The following DEK variants were observed in gnomAD, a reference collection of about 807,000 sequenced individuals.
DEK encodes the protein protein DEK.
DEK carries 28 observed loss-of-function variants against 46.8 expected under a neutral mutation model. The observed-to-expected ratio is 0.60, with a 90% CI of 0.44 to 0.82. The LOEUF is 0.82. Among genes scored for constraint, DEK ranks in the 40% least tolerant of loss-of-function variants. The probability of loss-of-function intolerance (pLI) is 0.00; values close to 1 mark genes in which losing one functional copy is unlikely to be tolerated. For missense variants in DEK, 416 were observed against 430.6 expected, an observed-to-expected ratio of 0.97 and a Z score of 0.30; for synonymous variants, 160 against 144.5, an observed-to-expected ratio of 1.11 and a Z score of -0.77.
intron 9 of DEK, among the ~76,000 whole-genome samples, chr6:18,232,314 G>A (rs576978354): frequency 6.6e-6 from 1 of 152,314 alleles, no homozygotes; most frequent in East Asian, 1.9e-4. Context: ...AGACAGGGAT[G>A]CCCTCTCTCA....
At chr6:18,262,257 T>A (rs1791909275) in intron 2 of DEK, among the ~76,000 whole-genome samples, 2 of 147,610 alleles carry the variant, frequency 1.4e-5, no homozygotes, top group South Asian at 4.2e-4. Flanking sequence ...ATTTTCTTTA[T>A]AAACTACCCT....
rs1754184686 is a variant in DEK at position 18,232,182 on chromosome 6, T to A, written c.1047+4270A>T. On this transcript the variant is annotated intron_variant, in intron 9 of 10. Transcript: ENST00000652689. ...TTCAACAGCCCTTCATGCTAAAAAC[T>A]CTCAATAAATTAGGTAGTGATGTGA... 2.0e-5 allele frequency among the ~76,000 whole-genome samples: 3 copies of A among 152,110 alleles called. No individual in the cohort carries two copies. In the South Asian group the frequency reaches 6.2e-4, roughly 32 times the overall value.
intron 10 of DEK, 164 bp from the exon 11 acceptor site, chr6:18,225,894 T>TG: frequency 1.2e-6 from 1 of 842,448 alleles, no homozygotes; most frequent in South Asian, 1.9e-5. Flanking sequence ...GACAGGAACT[T>TG]CCTCAAGTAT....
chr6:18,235,358 A>C (rs890600296), intron 9 of DEK, among the ~76,000 whole-genome samples: 1 of 152,176 alleles, frequency 6.6e-6, no homozygotes, highest in African/African-American at 2.4e-5. Context: ...TGTTGAACTA[A>C]TACTATTCCT....
At chr6:18,258,799 A>G (rs550638227) in intron 2 of DEK, among the ~76,000 whole-genome samples, 1 of 152,322 alleles carries the variant, frequency 6.6e-6, no homozygotes, top group African/African-American at 2.4e-5. Flanking sequence ...AGGAATAATC[A>G]AATTTAGACT....
Position 18,236,335 on chromosome 6 carries a change from G to C in DEK, c.1047+117C>G, listed in dbSNP as rs1004935539. The C allele has an allele frequency of 2.1e-5, 24 of 1,125,776 alleles. No homozygotes were observed. The African/African-American group carries it at 3.2e-4, about 15-fold the overall frequency. 69.7% of individuals were successfully genotyped at this position (1,125,776 alleles called of 1,614,324 possible). ...CTGTAAGGAGATCTGGCATATAGTA[G>C]TTCAATAAATCTTTCTTCAATAAGT... On this transcript the variant is annotated intron_variant, in intron 9 of 10. Coordinates refer to ENST00000652689, the MANE Select transcript of DEK (RefSeq NM_003472.4).
At chr6:18,237,231 T>G (rs1402059980) in intron 8 of DEK, 150 bp downstream of exon 8, 4 of 876,308 alleles carry the variant, frequency 4.6e-6, no homozygotes, top group Non-Finnish European at 6.5e-6. Flanking sequence ...GTCCCAAGCA[T>G]TTCAGATAAG....
intron 4 of DEK, among the ~76,000 whole-genome samples, chr6:18,257,746 AG>A (rs1791663599): frequency 6.6e-6 from 1 of 152,068 alleles, no homozygotes; most frequent in Non-Finnish European, 1.5e-5. Context: ...AAAAAGAAAA[AG>A]AAAAAAGAAG....
chr6:18,239,356 TTTTTTA>T (rs1156492222), intron 7 of DEK, among the ~76,000 whole-genome samples: 2 of 145,044 alleles, frequency 1.4e-5, no homozygotes, highest in African/African-American at 5.1e-5. Context: ...TTTTTTTTTT[TTTTTTA>T]AAAAAAAGAG....
chr6:18,244,808 A>C (rs1003607518), intron 7 of DEK, among the ~76,000 whole-genome samples: 2 of 152,212 alleles, frequency 1.3e-5, no homozygotes, highest in Non-Finnish European at 2.9e-5. Context: ...AATGGTTTAT[A>C]CAGATTTTGC....
rs759252837 is a variant in DEK, at chr6:18,263,931, G to A, written c.57C>T (p.Ser19=). ...EGEGTPTQPA[S]EKEPEMPGPR... ...GACCGGGCATTTCGGGTTCTTTCTC[G>A]GACGCGGGCTGGGTGGGGGTTCCCT... The change falls in exon 2 of 11, where the codon TCC becomes TCT. Residue 19 remains serine (S), a synonymous_variant. Coordinates refer to ENST00000652689, the MANE Select transcript of DEK (RefSeq NM_003472.4). 6.2e-7 allele frequency: 1 copy of A among 1,613,262 alleles called. No individual in the cohort carries two copies. Among genetic ancestry groups the A allele is most frequent in the Non-Finnish European group, 8.5e-7 (1 of 1,179,678 alleles).
At position 18,263,911 on chromosome 6, in the gene DEK, G is replaced by C. The variant is rs781519712; in HGVS notation, c.77C>G (p.Pro26Arg). 7 of 1,611,618 alleles carry C rather than the reference G, an allele frequency of 4.3e-6. No individual in the cohort carries two copies. The East Asian group carries it at 1.3e-4, about 31-fold the overall frequency. Reference protein sequence around the residue: ...QPASEKEPEMPGPREESEEEE... With the variant: ...QPASEKEPEMRGPREESEEEE... ...CTCCTCGCTCTCCTCTCTGGGACCG[G>C]GCATTTCGGGTTCTTTCTCGGACGC... Residue 26 changes from proline (P) to arginine (R), a missense_variant, in exon 2 of 11, where the codon CCC (proline) becomes CGC (arginine). Transcript: ENST00000652689.
Position 18,225,714 on chromosome 6 carries a change from CTA to C in DEK, c.*3_*4del. On this transcript the variant is annotated 3_prime_UTR_variant, in exon 11 of 11. Coordinates refer to ENST00000652689, the MANE Select transcript of DEK (RefSeq NM_003472.4). ...GGGAACGAGTCATCTTCTCTGTCCT[CTA>C]TCTCAAGAAATTAGCTGTAATGAAA... 6.2e-7 allele frequency: 1 copy of C among 1,613,272 alleles called. No individual in the cohort carries two copies. Among genetic ancestry groups the C allele is most frequent in the Non-Finnish European group, 8.5e-7 (1 of 1,179,530 alleles).
At chr6:18,231,934 T>C (rs1004638960) in intron 9 of DEK, among the ~76,000 whole-genome samples, 8 of 152,110 alleles carry the variant, frequency 5.3e-5, no homozygotes, top group Admixed American at 4.6e-4. Context: ...CAGACCAATA[T>C]CCCTGATGAA....
chr6:18,248,644 T>C (rs943189287), intron 7 of DEK, among the ~76,000 whole-genome samples: 17 of 152,176 alleles, frequency 1.1e-4, no homozygotes, highest in African/African-American at 3.4e-4. Flanking sequence ...AAAACAAGCA[T>C]GAATTGTAAA....
At position 18,247,708 on chromosome 6, in the gene DEK, G is replaced by A. The variant is rs533582856; in HGVS notation, c.762+1943C>T. Among the ~76,000 whole-genome samples the A allele has an allele frequency of 2.0e-5, 3 of 151,320 alleles. No homozygotes were observed. In the East Asian group the frequency reaches 5.8e-4, roughly 29 times the overall value. ...TTTTTTTTGAGACGGAGTTTCGCTC[G>A]TTGCTCAGGCTGGAGAACAATGGTG... On this transcript the variant is annotated intron_variant, in intron 7 of 10. Transcript: ENST00000652689.
chr6:18,258,389 CACGATGAGA>C lies in DEK; in HGVS notation c.153_161del (p.Ser51_Val54delinsArg). 6.2e-7 allele frequency: 1 copy of C among 1,611,484 alleles called. No homozygotes were observed. The highest frequency in any genetic ancestry group is 8.5e-7 in the Non-Finnish European group (1 of 1,178,528). ...CTTTTTTCTTTTCCCTCTTGCCTTC[CACGATGAGA>C]CTCTTTTCTAGAAATTAATTTAGTA... is the stretch of plus-strand genomic sequence containing the variant. On this transcript the variant is annotated inframe_deletion, in exon 3 of 11. Transcript: ENST00000652689.
At chr6:18,234,571 C>G (rs893600610) in intron 9 of DEK, among the ~76,000 whole-genome samples, 3 of 152,148 alleles carry the variant, frequency 2.0e-5, no homozygotes, top group African/African-American at 7.2e-5. Flanking sequence ...CCACCAATGG[C>G]AGTTTCATCT....
Position 18,257,944 on chromosome 6 carries a change from A to C in DEK, c.357+9T>G, listed in dbSNP as rs1791672396. On this transcript the variant is annotated intron_variant, in intron 4 of 10. Coordinates refer to ENST00000652689, the MANE Select transcript of DEK (RefSeq NM_003472.4). ...ATACAAGTAGGTTTAAAGTGTAAAA[A>C]GGTCTTACAGTGCCTGGCCTGTTGT... 22 of 1,573,490 alleles carry C rather than the reference A, an allele frequency of 1.4e-5. No individual in the cohort carries two copies. Among genetic ancestry groups the C allele is most frequent in the Non-Finnish European group, 1.9e-5 (22 of 1,160,546 alleles).
Sources: gnomAD v4.1 joint callset for allele counts (sites outside exome capture counted in the v4.1 genomes callset) on GRCh38, gnomAD v4.1.1 for gene constraint, MANE v1.5 for transcripts, NCBI Gene and HGNC (gene_info 2026-07-23, HGNC 2026-07-21) for gene names.